Variants in KLC1 observed in about 807,000 individuals in gnomAD.
KLC1 encodes kinesin light chain 1, also known as kinesin 2 60/70kDa.
Under a neutral mutation model 84.2 loss-of-function variants are expected in KLC1, and 30 were observed. The ratio of observed to expected loss-of-function variants is 0.36; its 90% CI spans 0.27 to 0.48. The LOEUF is 0.48. KLC1 is among the 20% of genes least tolerant of loss of function. KLC1 has a pLI of 0.99. For synonymous variants in KLC1, 289 were observed against 293.3 expected (o/e 0.99, Z 0.15); for missense variants, 499 against 805.4 (o/e 0.62, Z 4.60).
At chr14:103,630,522 A>G (rs1267240846) in intron 1 of KLC1, among the ~76,000 whole-genome samples, 1 of 152,194 alleles carries the variant, frequency 6.6e-6, no homozygotes, top group African/African-American at 2.4e-5. Flanking sequence ...GCATTAGTTA[A>G]ATCCCAAGGC....
rs1567038828 is a variant in KLC1, at chr14:103,687,223, T to C, written c.1781+12T>C. 1.3e-6 allele frequency: 2 copies of C among 1,535,102 alleles called. No individual in the cohort carries two copies. Among genetic ancestry groups the C allele is most frequent in the Admixed American group, 2.0e-5 (1 of 50,678 alleles). On this transcript the variant is annotated intron_variant, in intron 14 of 16. Transcript: ENST00000334553. ...CCAAAGAACCCCGGGTAACTATCTC[T>C]TCCAGCTCTCCCGACTCCCTGCACG...
chr14:103,698,082 G>C (rs2082715356), intron 15 of KLC1: 1 of 153,202 alleles, frequency 6.5e-6, no homozygotes, highest in South Asian at 2.1e-4. Flanking sequence ...GCCCTGCGCT[G>C]CCTGCGCTCC....
At chr14:103,662,662 G>A (rs2079395272) in intron 4 of KLC1, 40 bp from the exon 5 acceptor site, 1 of 1,442,078 alleles carries the variant, frequency 6.9e-7, no homozygotes, top group Admixed American at 2.3e-5. Context: ...CTGGATAATT[G>A]TCTTTAAAAA....
At chr14:103,672,568 C>G (rs2080494561) in intron 7 of KLC1, among the ~76,000 whole-genome samples, 1 of 152,124 alleles carries the variant, frequency 6.6e-6, no homozygotes, top group African/African-American at 2.4e-5. Flanking sequence ...GAGGAGAACC[C>G]TGAAGGATAA....
chr14:103,689,454 A>G (rs2081966300), intron 14 of KLC1, among the ~76,000 whole-genome samples: 1 of 152,238 alleles, frequency 6.6e-6, no homozygotes, highest in Admixed American at 6.5e-5. Context: ...AACGTTTTCT[A>G]CATGACTTTG....
chr14:103,685,324 T>C (rs1292518856), intron 13 of KLC1: 1 of 1,284,898 alleles, frequency 7.8e-7, no homozygotes, highest in Non-Finnish European at 9.9e-7. Flanking sequence ...CAGTTACTTG[T>C]AAAGCCTTTT....
intron 13 of KLC1, chr14:103,686,819 C>T (rs765824882): frequency 2.0e-4 from 34 of 173,418 alleles, no homozygotes; most frequent in African/African-American, 6.1e-4. Context: ...TTTTGGGATG[C>T]GATCACTTGT....
chr14:103,693,693 C>A lies in KLC1; in HGVS notation c.1848+1268C>A. The A allele has an allele frequency of 1.3e-6, 2 of 1,511,004 alleles. No individual in the cohort carries two copies. The highest frequency in any genetic ancestry group is 1.2e-5 in the South Asian group (1 of 82,102). 93.6% of individuals were successfully genotyped at this position (1,511,004 alleles called of 1,614,324 possible). On this transcript the variant is annotated intron_variant, in intron 15 of 16. Transcript: ENST00000334553. The surrounding 1 kb of genome is among the most constrained non-coding windows in gnomAD (Gnocchi z 5.1). ...CCTGCCACGCCCCTCACCGCCCTGC[C>A]CGGAGGCGCCAGCCGCACTCCTTGG...
chr14:103,698,875 G>C lies in KLC1; in HGVS notation c.1849-1780G>C, dbSNP rs750457573. The C allele has an allele frequency of 1.9e-6, 3 of 1,606,622 alleles. No individual in the cohort carries two copies. The Admixed American group carries it at 5.1e-5, about 27-fold the overall frequency. On this transcript the variant is annotated intron_variant, in intron 15 of 16. Coordinates refer to ENST00000334553, the MANE Select transcript of KLC1 (RefSeq NM_001394837.1). ...TAGGAACAGGAGGAGGGGGGCAGGTGGGGGGCAGAGAGCACCCGCAGGGTC... is the reference window on the plus strand; with the variant it reads ...TAGGAACAGGAGGAGGGGGGCAGGTCGGGGGCAGAGAGCACCCGCAGGGTC...
intron 1 of KLC1, among the ~76,000 whole-genome samples, chr14:103,644,159 G>A (rs2077709904): frequency 7.0e-6 from 1 of 142,948 alleles, no homozygotes; most frequent in Non-Finnish European, 1.5e-5. Context: ...AGCTTGCAGT[G>A]AGCCGTGATT....
intron 3 of KLC1, among the ~76,000 whole-genome samples, chr14:103,661,721 CCCT>C (rs2079307670): frequency 6.6e-6 from 1 of 152,096 alleles, no homozygotes; most frequent in Non-Finnish European, 1.5e-5. Context: ...GGAATCTAGC[CCCT>C]CCACTTCTCT....
intron 1 of KLC1, among the ~76,000 whole-genome samples, chr14:103,633,079 A>G (rs1274447397): frequency 1.4e-5 from 2 of 146,782 alleles, no homozygotes; most frequent in Admixed American, 6.8e-5. Context: ...TTTTTTTGAG[A>G]TGGAGTCTTG....
chr14:103,688,374 C>T (rs1469596119), intron 14 of KLC1, among the ~76,000 whole-genome samples: 1 of 152,186 alleles, frequency 6.6e-6, no homozygotes, highest in Non-Finnish European at 1.5e-5. Context: ...TGGTCTCGAA[C>T]TCCTGACTTC....
chr14:103,648,229 G>A (rs1444481985), intron 1 of KLC1, among the ~76,000 whole-genome samples: 1 of 152,150 alleles, frequency 6.6e-6, no homozygotes, highest in Non-Finnish European at 1.5e-5. Flanking sequence ...GATTACAGGC[G>A]TGAGCCACCG....
chr14:103,686,102 G>A (rs756074762), intron 13 of KLC1: 153 of 998,912 alleles, frequency 1.5e-4, no homozygotes, highest in Non-Finnish European at 1.7e-4. Flanking sequence ...ATATGCCCCA[G>A]TAGCATTTGC....
rs953786059 is a variant in KLC1 at position 103,670,168 on chromosome 14, C to G, written c.886-14C>G. ...ATCTTTTACCATTCTTAGTGGTTCT[C>G]TCTGTGTTGACAGGTGGCGGCGACT... On this transcript the variant is annotated splice_polypyrimidine_tract_variant and intron_variant, in intron 6 of 16. Coordinates refer to ENST00000334553, the MANE Select transcript of KLC1 (RefSeq NM_001394837.1). 2.5e-6 allele frequency: 4 copies of G among 1,595,030 alleles called. No homozygotes were observed. The highest frequency in any genetic ancestry group is 2.6e-6 in the Non-Finnish European group (3 of 1,165,468).
Position 103,662,925 on chromosome 14 carries a change from C to A in KLC1, c.795C>A (p.Tyr265Ter). The A allele has an allele frequency of 6.3e-7, 1 of 1,597,840 alleles. No homozygotes were observed. Among genetic ancestry groups the A allele is most frequent in the East Asian group, 2.2e-5 (1 of 44,704 alleles). ...TGCTCAACATCCTGGCCTTGGTGTA[C>A]AGGCTAGTCACTTTTGTTTACCTAC... The part of the protein sequence containing the change: ...ATMLNILALV[Y>*]RDQNKYKDAA... The change falls in exon 5 of 17, where the codon TAC becomes TAA. Residue 265 changes from tyrosine to a stop codon, truncating the protein, a stop_gained and splice_region_variant. Coordinates refer to ENST00000334553, the MANE Select transcript of KLC1 (RefSeq NM_001394837.1). LOFTEE classifies it high-confidence loss of function.
intron 1 of KLC1, among the ~76,000 whole-genome samples, 196 bp downstream of exon 1, chr14:103,629,690 C>T (rs149267709): frequency 0.01 from 1,586 of 152,236 alleles, 19 homozygotes; most frequent in Middle Eastern, 0.034. Context: ...TCCGCGACCC[C>T]TTCCAGGTTC....
chr14:103,699,251 C>A, intron 15 of KLC1: 1 of 1,539,758 alleles, frequency 6.5e-7, no homozygotes, highest in Non-Finnish European at 8.7e-7. Flanking sequence ...GGCTGCTACC[C>A]GCAGGAGCCG....
Sources: gnomAD v4.1 joint callset for allele counts (sites outside exome capture counted in the v4.1 genomes callset) on GRCh38, gnomAD v4.1.1 for gene constraint, Gnocchi (gnomAD v3.1) non-coding constraint, MANE v1.5 for transcripts, NCBI Gene and HGNC (gene_info 2026-07-23, HGNC 2026-07-21) for gene names.